Variants in TMEM132D observed in about 807,000 individuals in gnomAD.
TMEM132D encodes transmembrane protein 132D.
TMEM132D carries 21 observed loss-of-function variants against 62.3 expected under a neutral mutation model. The ratio of observed to expected loss-of-function variants is 0.34; its 90% confidence interval spans 0.24 to 0.49. The LOEUF (loss-of-function observed/expected upper bound fraction) is 0.49. TMEM132D is among the 20% of genes least tolerant of loss of function. TMEM132D has a pLI of 0.99. For missense variants in TMEM132D, 1,346 were observed against 1,402.8 expected (o/e 0.96, Z 0.65); for synonymous variants, 621 against 575.6 (o/e 1.08, Z -1.13).
chr12:129,096,123 T>C (rs768750298), intron 5 of TMEM132D, among the ~76,000 whole-genome samples: 4 of 152,148 alleles, frequency 2.6e-5, no homozygotes, highest in Non-Finnish European at 5.9e-5. Flanking sequence ...AGTTGTTTGA[T>C]TGTGACAGTA....
At chr12:129,301,436 C>T (rs1048079642) in intron 4 of TMEM132D, among the ~76,000 whole-genome samples, 1 of 151,716 alleles carries the variant, frequency 6.6e-6, no homozygotes, top group African/African-American at 2.4e-5. Context: ...ATGCCATTAG[C>T]AATGCTTAAA....
chr12:129,870,632 T>C (rs1307722705), intron 1 of TMEM132D, among the ~76,000 whole-genome samples: 2 of 152,188 alleles, frequency 1.3e-5, no homozygotes, highest in African/African-American at 4.8e-5. Flanking sequence ...AAATCCTTTA[T>C]CAGAAAACTG....
At chr12:129,386,954 AC>A (rs560619671) in intron 3 of TMEM132D, among the ~76,000 whole-genome samples, 5 of 152,268 alleles carry the variant, frequency 3.3e-5, no homozygotes, top group African/African-American at 9.6e-5. Flanking sequence ...TATCACTAAC[AC>A]CAACACCAAA....
At chr12:129,151,050 G>T (rs952397423) in intron 5 of TMEM132D, among the ~76,000 whole-genome samples, 1 of 152,108 alleles carries the variant, frequency 6.6e-6, no homozygotes, top group African/African-American at 2.4e-5. Context: ...ATGTGGTCAC[G>T]TCACTACCCG....
chr12:129,202,096 G>T (rs1352076389), intron 5 of TMEM132D, among the ~76,000 whole-genome samples: 1 of 152,200 alleles, frequency 6.6e-6, no homozygotes, highest in African/African-American at 2.4e-5. Context: ...ACGGGAATGA[G>T]TTTTCAGTGG....
intron 5 of TMEM132D, among the ~76,000 whole-genome samples, chr12:129,176,129 C>T (rs1257691712): frequency 6.6e-6 from 1 of 152,202 alleles, no homozygotes; most frequent in Non-Finnish European, 1.5e-5. Flanking sequence ...AATGCACATG[C>T]AGAGAGATGT....
chr12:129,416,819 G>A (rs376741999), intron 3 of TMEM132D, among the ~76,000 whole-genome samples: 9 of 152,132 alleles, frequency 5.9e-5, no homozygotes, highest in East Asian at 3.9e-4. Flanking sequence ...TTTTGTCATT[G>A]GTTCTGTTTA....
chr12:129,116,511 A>G (rs1474093324), intron 5 of TMEM132D, among the ~76,000 whole-genome samples: 1 of 152,218 alleles, frequency 6.6e-6, no homozygotes, highest in African/African-American at 2.4e-5. Flanking sequence ...AAAAAAAACT[A>G]GTATAGAAAA....
chr12:129,125,062 G>C (rs1421225914), intron 5 of TMEM132D, among the ~76,000 whole-genome samples: 1 of 152,194 alleles, frequency 6.6e-6, no homozygotes, highest in Non-Finnish European at 1.5e-5. Flanking sequence ...AGGCTGGAGG[G>C]GGGATGTCTG....
At position 129,166,350 on chromosome 12, in the gene TMEM132D, A is replaced by ATACAT. The variant is rs1402850312; in HGVS notation, c.1443+43169_1443+43170insATGTA. Among the ~76,000 whole-genome samples, 701 of 152,070 alleles carry ATACAT rather than the reference A, an allele frequency of 4.6e-3. 8 individuals carry two copies. Among genetic ancestry groups the ATACAT allele is most frequent in the African/African-American group, 0.015 (637 of 41,430 alleles). ...GTTTCGTCTCCGGCTACTGTTTGACAGGCATGAATGCGGGCGGAGCTCCAT... is the reference window on the plus strand; with the variant it reads ...GTTTCGTCTCCGGCTACTGTTTGACATACATGGCATGAATGCGGGCGGAGCTCCAT... On this transcript the variant is annotated intron_variant, in intron 5 of 8. Coordinates refer to ENST00000422113, the MANE Select transcript of TMEM132D (RefSeq NM_133448.3).
chr12:129,485,725 G>C (rs1384704516), intron 3 of TMEM132D, among the ~76,000 whole-genome samples: 1 of 152,246 alleles, frequency 6.6e-6, no homozygotes, highest in East Asian at 1.9e-4. Context: ...GGCAGGAAAA[G>C]AGGTCAGCCG....
At chr12:129,739,501 G>A (rs1869533293) in intron 1 of TMEM132D, among the ~76,000 whole-genome samples, 1 of 152,170 alleles carries the variant, frequency 6.6e-6, no homozygotes. Flanking sequence ...CAAAACAGAA[G>A]AAGAATAACC....
intron 1 of TMEM132D, among the ~76,000 whole-genome samples, chr12:129,812,854 A>G (rs1036473845): frequency 6.6e-6 from 1 of 151,656 alleles, no homozygotes; most frequent in African/African-American, 2.4e-5. Flanking sequence ...TCTTAAAACC[A>G]TCTACAAGTT....
intron 5 of TMEM132D, among the ~76,000 whole-genome samples, chr12:129,151,060 G>C (rs541532382): frequency 1.1e-4 from 17 of 152,126 alleles, no homozygotes; most frequent in African/African-American, 4.1e-4. Flanking sequence ...GTCACTACCC[G>C]GGGTTTGCAG....
chr12:129,881,016 T>C (rs1476051034), intron 1 of TMEM132D, among the ~76,000 whole-genome samples: 1 of 151,944 alleles, frequency 6.6e-6, no homozygotes, highest in African/African-American at 2.4e-5. Context: ...TAGTTAAAAA[T>C]AAAAGGATAG....
At position 129,612,006 on chromosome 12, in the gene TMEM132D, A is replaced by T. The variant is rs527739581; in HGVS notation, c.969-80801T>A. Among the ~76,000 whole-genome samples, 8 of 152,304 alleles carry T rather than the reference A, an allele frequency of 5.3e-5. No homozygotes were observed. In the South Asian group the frequency reaches 1.7e-3, roughly 32 times the overall value. On this transcript the variant is annotated intron_variant, in intron 2 of 8. Transcript: ENST00000422113. ...GGGCCGTGGCCGGTCGCAGTACCCT[A>T]TGGAGGTGTGGCTCTTCATAGAAAG...
intron 2 of TMEM132D, among the ~76,000 whole-genome samples, chr12:129,638,512 AAT>A (rs1491176446): frequency 1.3e-4 from 6 of 45,532 alleles, no homozygotes; most frequent in Non-Finnish European, 2.1e-4. Context: ...AACATATATA[AAT>A]ATATATAAAT....
chr12:129,484,182 G>T (rs1465678954), intron 3 of TMEM132D, among the ~76,000 whole-genome samples: 4 of 152,014 alleles, frequency 2.6e-5, no homozygotes, highest in Admixed American at 2.6e-4. Flanking sequence ...ATTGGCCAGG[G>T]TGGTCTTGAA....
At chr12:129,454,173 G>C (rs963811725) in intron 3 of TMEM132D, among the ~76,000 whole-genome samples, 1 of 152,192 alleles carries the variant, frequency 6.6e-6, no homozygotes, top group African/African-American at 2.4e-5. Context: ...GCTAAGCAGA[G>C]TGCACTGAAT....
Sources: gnomAD v4.1 joint callset for allele counts (sites outside exome capture counted in the v4.1 genomes callset) on GRCh38, gnomAD v4.1.1 for gene constraint, MANE v1.5 for transcripts, NCBI Gene and HGNC (gene_info 2026-07-23, HGNC 2026-07-21) for gene names.